Variants in RTL9 observed in about 807,000 individuals in gnomAD.
The protein encoded by RTL9 is retrotransposon Gag like 9.
A neutral mutation model predicts 44.7 loss-of-function variants in RTL9; 19 were observed. The ratio of observed to expected loss-of-function variants is 0.42; its 90% confidence interval spans 0.30 to 0.62. The LOEUF is 0.62. Ranked by LOEUF, RTL9 falls within the 20% of genes least tolerant of loss-of-function variation. The pLI is 0.16. For missense variants in RTL9, 1,105 were observed against 1,080.6 expected (o/e 1.02, Z -0.32); for synonymous variants, 407 against 398.9 (o/e 1.02, Z -0.24).
intron 1 of RTL9, among the ~76,000 whole-genome samples, chrX:110,367,378 A>C (rs2068304190): frequency 8.9e-6 from 1 of 111,780 alleles, no homozygotes; most frequent in African/African-American, 3.2e-5. Flanking sequence ...CACTCCACCA[A>C]AATGATTCAT....
intron 1 of RTL9, among the ~76,000 whole-genome samples, chrX:110,413,950 G>A (rs1204851850): frequency 8.9e-6 from 1 of 111,837 alleles, no homozygotes; most frequent in East Asian, 2.8e-4. Context: ...TACTATTGTG[G>A]TTTTCCTTTT....
upstream of RTL9, among the ~76,000 whole-genome samples, chrX:110,446,226 T>A (rs1253218609): frequency 8.9e-6 from 1 of 111,777 alleles, no homozygotes; most frequent in African/African-American, 3.3e-5. Flanking sequence ...TTCAGGAGTT[T>A]AGCTTTGTCT....
chrX:110,410,616 C>A (rs2068635655), intron 1 of RTL9, among the ~76,000 whole-genome samples: 1 of 112,037 alleles, frequency 8.9e-6, no homozygotes, highest in South Asian at 3.8e-4. Flanking sequence ...GAGATGCTCT[C>A]CCAGATGCTT....
At position 110,376,304 on chromosome X, in the gene RTL9, T is replaced by C. The variant is rs1213250363; in HGVS notation, c.-168+17388T>C. Among the ~76,000 whole-genome samples the C allele has an allele frequency of 1.1e-4, 12 of 110,884 alleles. No individual in the cohort carries two copies. The Admixed American group carries it at 1.2e-3, about 11-fold the overall frequency. On this transcript the variant is annotated intron_variant, in intron 1 of 2. Transcript: ENST00000520821. ...TTGCAGGGCCCAGTGCAAAATGAAA[T>C]GGCCTTATGTCCAGGAAGCTGGTCT...
chrX:110,452,067 G>A lies in RTL9; in HGVS notation c.1450G>A (p.Val484Met), dbSNP rs765708019. 15 of 1,209,545 alleles carry A rather than the reference G, an allele frequency of 1.2e-5. No individual in the cohort carries two copies. The highest frequency in any genetic ancestry group is 1.1e-4 in the South Asian group (6 of 56,772). ...AATGCCCACAGGCTCTATGAAAGCC[G>A]TGGCAAAACAATACAAGAGAGCCAC... Residue 484 changes from valine to methionine, a missense_variant, in exon 1 of 2, where the codon GTG (valine) becomes ATG (methionine). Transcript: ENST00000540313.
chrX:110,427,916 C>T (rs989223268), intron 1 of RTL9, among the ~76,000 whole-genome samples: 1 of 111,828 alleles, frequency 8.9e-6, no homozygotes, highest in Admixed American at 9.5e-5. Flanking sequence ...ACCCAGCTAA[C>T]ACCATCTCAT....
At chrX:110,442,243 CTCTCTG>C (rs1313640178) in intron 1 of RTL9, among the ~76,000 whole-genome samples, 6 of 103,822 alleles carry the variant, frequency 5.8e-5, no homozygotes, top group African/African-American at 1.5e-4. Context: ...CTCTCTCTCT[CTCTCTG>C]TGTGTGTGTG....
chrX:110,385,087 C>A (rs2068445840), intron 1 of RTL9, among the ~76,000 whole-genome samples: 1 of 111,327 alleles, frequency 9.0e-6, no homozygotes, highest in African/African-American at 3.3e-5. Context: ...AAGAACATAA[C>A]ATTCTAGATC....
intron 1 of RTL9, among the ~76,000 whole-genome samples, chrX:110,382,442 G>C (rs1309211795): frequency 9.0e-6 from 1 of 111,313 alleles, no homozygotes; most frequent in East Asian, 2.8e-4. Context: ...AAGAGCAGAA[G>C]AGAAACTAAA....
intron 1 of RTL9, among the ~76,000 whole-genome samples, chrX:110,380,345 T>C (rs1451339790): frequency 9.9e-6 from 1 of 101,044 alleles, no homozygotes; most frequent in Non-Finnish European, 1.9e-5. Flanking sequence ...CAATTTACAA[T>C]AGCCATACAA....
At chrX:110,447,914 A>G (rs2068917290), upstream of RTL9, among the ~76,000 whole-genome samples, 1 of 111,700 alleles carries the variant, frequency 9.0e-6, no homozygotes. Flanking sequence ...GCACCAGTTC[A>G]GGAAAACTGG....
Position 110,453,983 on chromosome X carries a change from C to T in RTL9, c.3366C>T (p.His1122=), listed in dbSNP as rs377035487. 7 of 1,210,280 alleles carry T rather than the reference C, an allele frequency of 5.8e-6. No individual in the cohort carries two copies. The African/African-American group carries it at 1.2e-4, about 21-fold the overall frequency. The change falls in exon 1 of 2, where the codon CAC becomes CAT. Residue 1122 remains histidine (H), a synonymous_variant. Coordinates refer to ENST00000540313, the Ensembl canonical transcript of RTL9. ...CCTCTGGATCAAAGCCCACATCGCA[C>T]ATGACTGCCACAACTCCTGAAACTG...
At chrX:110,386,741 A>T (rs1021952069) in intron 1 of RTL9, among the ~76,000 whole-genome samples, 1 of 112,019 alleles carries the variant, frequency 8.9e-6, no homozygotes, top group African/African-American at 3.2e-5. Context: ...CACCTGATGC[A>T]CCCTATGGTA....
intron 1 of RTL9, among the ~76,000 whole-genome samples, chrX:110,396,224 A>G (rs1456113080): frequency 9.0e-6 from 1 of 111,082 alleles, no homozygotes; most frequent in Non-Finnish European, 1.9e-5. Context: ...CTTGAAAAAA[A>G]TTATTATGGA....
At chrX:110,431,622 C>A (rs2068797464) in intron 1 of RTL9, among the ~76,000 whole-genome samples, 2 of 111,316 alleles carry the variant, frequency 1.8e-5, no homozygotes, top group South Asian at 7.7e-4. Context: ...TGGGAAAAAC[C>A]TTGGTATCCT....
chrX:110,443,713 G>T (rs1272654855), intron 1 of RTL9, among the ~76,000 whole-genome samples: 1 of 112,409 alleles, frequency 8.9e-6, no homozygotes, highest in African/African-American at 3.2e-5. Flanking sequence ...TTCAGGGTGG[G>T]TGCAAAGCTA....
At chrX:110,422,591 C>T (rs985998219) in intron 1 of RTL9, among the ~76,000 whole-genome samples, 2 of 112,528 alleles carry the variant, frequency 1.8e-5, no homozygotes, top group East Asian at 5.5e-4. Context: ...GTTTTCACAT[C>T]GCAAATGTAA....
chrX:110,444,196 A>G (rs2068896907), intron 1 of RTL9, among the ~76,000 whole-genome samples: 1 of 112,863 alleles, frequency 8.9e-6, no homozygotes, highest in Non-Finnish European at 1.9e-5. Context: ...GCACAGGTCA[A>G]ATGTGATGGC....
intron 1 of RTL9, among the ~76,000 whole-genome samples, chrX:110,368,283 C>A (rs1005697801): frequency 9.0e-6 from 1 of 110,749 alleles, no homozygotes. Flanking sequence ...CCGTCCGTGG[C>A]CTTTTATATT....
Sources: allele counts gnomAD v4.1 joint callset (sites outside exome capture counted in the v4.1 genomes callset), GRCh38; gene constraint gnomAD v4.1.1; transcripts MANE v1.5; gene names NCBI Gene and HGNC (gene_info 2026-07-23, HGNC 2026-07-21).